NRG1: variants seen among roughly 807,000 people sequenced by gnomAD.
The protein encoded by NRG1 is pro-neuregulin-1, membrane-bound isoform.
NRG1 carries 18 observed loss-of-function variants against 63.8 expected under a neutral mutation model. The ratio of observed to expected loss-of-function variants is 0.28; its 90% confidence interval spans 0.19 to 0.42. The LOEUF is 0.42. NRG1 is among the 10% of genes least tolerant of loss of function. The probability of loss-of-function intolerance (pLI) is 1.00; values close to 1 mark genes in which losing one functional copy is unlikely to be tolerated. For synonymous variants in NRG1, 302 were observed against 301.3 expected (o/e 1.00, Z -0.02); for missense variants, 762 against 814.7 (o/e 0.94, Z 0.79).
At chr8:31,984,368 T>C (rs930446563) in intron 1 of NRG1, among the ~76,000 whole-genome samples, 6 of 152,112 alleles carry the variant, frequency 3.9e-5, no homozygotes, top group African/African-American at 1.2e-4. Context: ...TTAATGATTG[T>C]GGATTTCTTT....
chr8:32,392,883 C>G (rs745336883), intron 1 of NRG1, among the ~76,000 whole-genome samples: 2 of 122,996 alleles, frequency 1.6e-5, no homozygotes, highest in Non-Finnish European at 3.6e-5. Flanking sequence ...GAAGGATGCT[C>G]AAGTGGAGGG....
intron 1 of NRG1, among the ~76,000 whole-genome samples, chr8:32,343,724 T>C (rs1265454693): frequency 6.6e-6 from 1 of 152,206 alleles, no homozygotes; most frequent in Non-Finnish European, 1.5e-5. Context: ...GATTTGCTGA[T>C]CAAAGATGTA....
upstream of NRG1, chr8:32,548,243 C>T (rs564814775): frequency 3.0e-6 from 3 of 985,790 alleles, no homozygotes; most frequent in Admixed American, 6.1e-5. Context: ...AGGCGCCTGC[C>T]TCCAACCTGC....
chr8:31,796,454 A>G (rs1172362259), intron 1 of NRG1, among the ~76,000 whole-genome samples: 10 of 70,736 alleles, frequency 1.4e-4, no homozygotes, highest in African/African-American at 5.3e-4. Flanking sequence ...TTTTTTTGAG[A>G]TGGAGTCTCG....
chr8:32,141,381 T>A (rs1313350729), intron 1 of NRG1, among the ~76,000 whole-genome samples: 4 of 151,878 alleles, frequency 2.6e-5, no homozygotes, highest in African/African-American at 9.7e-5. Context: ...GTATTCCTAA[T>A]AAAGAACTGC....
intron 5 of NRG1, among the ~76,000 whole-genome samples, chr8:32,656,509 A>G (rs762414775): frequency 1.3e-5 from 2 of 152,156 alleles, no homozygotes; most frequent in Non-Finnish European, 2.9e-5. Context: ...TGTATACCTT[A>G]TGGTTTTTCT....
intron 1 of NRG1, among the ~76,000 whole-genome samples, chr8:31,691,682 A>T (rs1435399724): frequency 6.6e-6 from 1 of 151,184 alleles, no homozygotes; most frequent in African/African-American, 2.4e-5. Flanking sequence ...TAATTTTAAT[A>T]AGTTAAAGTG....
chr8:32,496,498 G>A (rs551957836), intron 1 of NRG1, among the ~76,000 whole-genome samples: 58 of 152,160 alleles, frequency 3.8e-4, no homozygotes, highest in Non-Finnish European at 8.1e-4. Flanking sequence ...ACTAAGGAGG[G>A]AGGATTGCTT....
chr8:32,068,477 C>T lies in NRG1; in HGVS notation c.37+429046C>T, dbSNP rs144255234. On this transcript the variant is annotated intron_variant, in intron 1 of 10. Transcript: ENST00000519301. ...CAACAAAGACATGCATGAAAGGCCA[C>T]GGGGCTGTTTCTGGGCTTAAACAAG... Among the ~76,000 whole-genome samples, 8 of 152,190 alleles carry T rather than the reference C, an allele frequency of 5.3e-5. 1 individual carries two copies. The highest frequency in any genetic ancestry group is 1.9e-4 in the African/African-American group (8 of 41,544).
At chr8:32,626,369 T>G (rs1169634949) in intron 5 of NRG1, among the ~76,000 whole-genome samples, 1 of 152,008 alleles carries the variant, frequency 6.6e-6, no homozygotes, top group Non-Finnish European at 1.5e-5. Context: ...TTTTTTTTTT[T>G]TTTGTAATAT....
intron 1 of NRG1, among the ~76,000 whole-genome samples, chr8:32,041,997 C>G (rs538507507): frequency 1.3e-5 from 2 of 152,162 alleles, no homozygotes; most frequent in African/African-American, 4.8e-5. Context: ...ACACAACATA[C>G]AGGATATATC....
At position 31,771,210 on chromosome 8, in the gene NRG1, C is replaced by A. The variant is rs563646289; in HGVS notation, c.37+131779C>A. Among the ~76,000 whole-genome samples, 4 of 152,276 alleles carry A rather than the reference C, an allele frequency of 2.6e-5. No homozygotes were observed. The East Asian group carries it at 7.7e-4, about 29-fold the overall frequency. ...CTAATCTCCATCATTAAAAATTTGT[C>A]ATTTCAAGAATGTTATATGAATAGA... On this transcript the variant is annotated intron_variant, in intron 1 of 10. Transcript: ENST00000519301.
At chr8:32,737,353 C>T (rs1169925780) in intron 6 of NRG1, among the ~76,000 whole-genome samples, 1 of 151,988 alleles carries the variant, frequency 6.6e-6, no homozygotes, top group Non-Finnish European at 1.5e-5. Context: ...GAGTTTGAGA[C>T]CAGCCTGACC....
At chr8:32,588,922 G>C (rs1475343926) in intron 1 of NRG1, among the ~76,000 whole-genome samples, 5 of 152,156 alleles carry the variant, frequency 3.3e-5, no homozygotes, top group Non-Finnish European at 7.3e-5. Flanking sequence ...TATTTAACTT[G>C]AATCAAGAAC....
At chr8:31,675,920 C>A (rs1342252868) in intron 1 of NRG1, among the ~76,000 whole-genome samples, 1 of 152,094 alleles carries the variant, frequency 6.6e-6, no homozygotes, top group East Asian at 1.9e-4. Context: ...TAGTGCCATG[C>A]TTCCTCTCCA....
chr8:32,528,574 C>A (rs1371267841), intron 1 of NRG1, among the ~76,000 whole-genome samples: 1 of 152,130 alleles, frequency 6.6e-6, no homozygotes, highest in African/African-American at 2.4e-5. Context: ...GGTTCTTTTT[C>A]ATCTTTACTC....
At chr8:32,605,891 T>C (rs1845174085) in intron 3 of NRG1, among the ~76,000 whole-genome samples, 1 of 152,034 alleles carries the variant, frequency 6.6e-6, no homozygotes, top group Non-Finnish European at 1.5e-5. Context: ...ATACATATAT[T>C]TTTTACAAAA....
In NRG1 at chr8:32,080,764, CGTGTGTGTGTGTGT is replaced by C. The variant is rs3084557; in HGVS notation, c.37+441365_37+441378del. Among the ~76,000 whole-genome samples, 231 of 148,822 alleles carry C rather than the reference CGTGTGTGTGTGTGT, an allele frequency of 1.6e-3. 1 individual carries two copies. Among genetic ancestry groups the C allele is most frequent in the African/African-American group, 3.5e-3 (141 of 40,356 alleles). ...GGGACAGAACCAATTTGTGTGTGTGCGTGTGTGTGTGTGTGTGTGTGTGTGTGTGTGTGTGTGTG... is the reference window on the plus strand; with the variant it reads ...GGGACAGAACCAATTTGTGTGTGTGCGTGTGTGTGTGTGTGTGTGTGTGTG... On this transcript the variant is annotated intron_variant, in intron 1 of 10. Coordinates refer to the NRG1 transcript ENST00000519301.
At chr8:32,205,489 G>C (rs1402847635) in intron 1 of NRG1, among the ~76,000 whole-genome samples, 1 of 152,120 alleles carries the variant, frequency 6.6e-6, no homozygotes, top group East Asian at 1.9e-4. Flanking sequence ...TAAAACGCAG[G>C]TGTGTTCACC....
Sources: allele counts gnomAD v4.1 joint callset (sites outside exome capture counted in the v4.1 genomes callset), GRCh38; gene constraint gnomAD v4.1.1; transcripts MANE v1.5; gene names NCBI Gene and HGNC (gene_info 2026-07-23, HGNC 2026-07-21).